Variants in ACOXL observed in about 807,000 individuals in gnomAD.
ACOXL encodes the protein acyl-coenzyme A oxidase-like protein.
In ACOXL, 70 loss-of-function variants were observed where a neutral mutation model predicts 71.9. The observed-to-expected ratio is 0.97, with a 90% CI of 0.80 to 1.19. The LOEUF is 1.19. Among genes scored for constraint, ACOXL ranks in the 50% most tolerant of loss-of-function variants. The pLI, the probability that ACOXL is intolerant of heterozygous loss-of-function variation, is 0.00. For synonymous variants in ACOXL, 253 were observed against 281.6 expected, an observed-to-expected ratio of 0.90 and a Z score of 1.02; for missense variants, 703 against 736.3, an observed-to-expected ratio of 0.95 and a Z score of 0.52.
Position 111,002,477 on chromosome 2 carries a change from A to C in ACOXL, c.1281+6473A>C, listed in dbSNP as rs144803212. ...GTTATCTTTCTATGTCAATAAAAAC[A>C]TGATTGCATGAGGTTCTGATGCTTC... On this transcript the variant is annotated intron_variant, in intron 14 of 17. Coordinates refer to ENST00000439055, the MANE Select transcript of ACOXL (RefSeq NM_001142807.4). Among the ~76,000 whole-genome samples, 293 of 152,374 alleles carry C rather than the reference A, an allele frequency of 1.9e-3. 1 individual carries two copies. The highest frequency in any genetic ancestry group is 7.0e-3 in the African/African-American group (290 of 41,600).
At position 110,751,624 on chromosome 2, in the gene ACOXL, T is replaced by A. The variant is rs79052249; in HGVS notation, c.-22-16744T>A. Among the ~76,000 whole-genome samples the A allele has an allele frequency of 1.1e-3, 174 of 152,344 alleles. 3 individuals are homozygous for A. In the East Asian group the frequency reaches 0.028, roughly 25 times the overall value. On this transcript the variant is annotated intron_variant, in intron 1 of 17. Coordinates refer to ENST00000439055, the MANE Select transcript of ACOXL (RefSeq NM_001142807.4). ...AAATGCAAAAATCTTAAGTGTACAT[T>A]CTCAGGGCTTTGCCAAATATATACA...
At chr2:111,024,214 T>A (rs775259414) in intron 14 of ACOXL, among the ~76,000 whole-genome samples, 15 of 152,098 alleles carry the variant, frequency 9.9e-5, no homozygotes, top group African/African-American at 1.7e-4. Flanking sequence ...AGGTTGTAGA[T>A]TGAATTCTGT....
chr2:111,021,868 G>GA (rs1384456479), intron 14 of ACOXL, among the ~76,000 whole-genome samples: 1 of 149,692 alleles, frequency 6.7e-6, no homozygotes, highest in Non-Finnish European at 1.5e-5. Flanking sequence ...ATGTAAAAAA[G>GA]AAAAAAAAGA....
At chr2:110,771,124 C>T (rs1387055056) in intron 2 of ACOXL, among the ~76,000 whole-genome samples, 1 of 152,116 alleles carries the variant, frequency 6.6e-6, no homozygotes, top group African/African-American at 2.4e-5. Context: ...TGTTTGGCAC[C>T]TCTCTCTGTA....
At chr2:110,742,590 C>G (rs1407184699) in intron 1 of ACOXL, among the ~76,000 whole-genome samples, 1 of 152,166 alleles carries the variant, frequency 6.6e-6, no homozygotes, top group South Asian at 2.1e-4. Context: ...GCAACCACTT[C>G]TACAACATGG....
At chr2:110,902,989 A>G (rs79191317) in intron 10 of ACOXL, among the ~76,000 whole-genome samples, 106 of 152,332 alleles carry the variant, frequency 7.0e-4, no homozygotes, top group East Asian at 5.4e-3. Context: ...TTATCTACAG[A>G]GGTCAGCACC....
intron 11 of ACOXL, among the ~76,000 whole-genome samples, chr2:110,924,105 CTAT>C (rs1019288544): frequency 9.9e-5 from 15 of 152,262 alleles, no homozygotes; most frequent in African/African-American, 3.6e-4. Context: ...GTACTACAGC[CTAT>C]TAAGTGTGCA....
intron 11 of ACOXL, among the ~76,000 whole-genome samples, chr2:110,924,924 A>C (rs1384358575): frequency 1.3e-5 from 2 of 152,140 alleles, no homozygotes; most frequent in African/African-American, 4.8e-5. Context: ...TGAAAGTCAA[A>C]ATTACTGCTT....
intron 12 of ACOXL, among the ~76,000 whole-genome samples, chr2:110,959,692 C>G (rs931794592): frequency 2.0e-5 from 3 of 152,132 alleles, no homozygotes; most frequent in South Asian, 2.1e-4. Flanking sequence ...CCCGCCACCC[C>G]CTGAGAATGA....
chr2:110,858,383 G>A (rs932413235), intron 10 of ACOXL, among the ~76,000 whole-genome samples: 2 of 152,174 alleles, frequency 1.3e-5, no homozygotes, highest in South Asian at 2.1e-4. Context: ...TGGAAGTTCC[G>A]CATCTCGTTT....
intron 11 of ACOXL, among the ~76,000 whole-genome samples, chr2:110,912,164 T>C (rs1277678098): frequency 6.6e-6 from 1 of 152,118 alleles, no homozygotes; most frequent in Non-Finnish European, 1.5e-5. Flanking sequence ...GATCAGAAGA[T>C]GTAATGTTGT....
At chr2:110,820,297 C>T (rs78149882) in intron 9 of ACOXL, among the ~76,000 whole-genome samples, 13 of 152,116 alleles carry the variant, frequency 8.5e-5, no homozygotes, top group South Asian at 6.2e-4. Context: ...AGGGAGAGAC[C>T]GATGCTGCTA....
Position 110,917,285 on chromosome 2 carries a change from C to T in ACOXL, c.905+8380C>T, listed in dbSNP as rs756916570. Among the ~76,000 whole-genome samples, 16 of 152,198 alleles carry T rather than the reference C, an allele frequency of 1.1e-4. No homozygotes were observed. In the East Asian group the frequency reaches 2.5e-3, roughly 24 times the overall value. On this transcript the variant is annotated intron_variant, in intron 11 of 17. Coordinates refer to ENST00000439055, the MANE Select transcript of ACOXL (RefSeq NM_001142807.4). ...AATAAACATAATCCATCACATAAAC[C>T]GAACCAATGACAAAAACCACATGAT...
At chr2:111,112,553 A>G (rs907938878) in intron 17 of ACOXL, among the ~76,000 whole-genome samples, 3 of 152,250 alleles carry the variant, frequency 2.0e-5, no homozygotes, top group African/African-American at 7.2e-5. Context: ...AAGGGAAAGC[A>G]ATTCTTCAGG....
At chr2:110,995,134 A>C (rs1274251104) in intron 13 of ACOXL, among the ~76,000 whole-genome samples, 1 of 152,138 alleles carries the variant, frequency 6.6e-6, no homozygotes, top group African/African-American at 2.4e-5. Context: ...AATGCCCAGC[A>C]GTGGTTATTA....
intron 16 of ACOXL, among the ~76,000 whole-genome samples, chr2:111,063,765 T>C (rs2066925681): frequency 6.6e-6 from 1 of 152,192 alleles, no homozygotes; most frequent in East Asian, 1.9e-4. Flanking sequence ...TACTAGGAGT[T>C]CTAGCCAGTG....
chr2:110,743,716 G>T (rs997563423), intron 1 of ACOXL, among the ~76,000 whole-genome samples: 7 of 152,108 alleles, frequency 4.6e-5, no homozygotes, highest in African/African-American at 9.7e-5. Flanking sequence ...CTGTGTCTCC[G>T]CCCAAGGCTT....
intron 13 of ACOXL, among the ~76,000 whole-genome samples, chr2:110,995,623 A>G (rs1320760430): frequency 6.6e-6 from 1 of 152,070 alleles, no homozygotes; most frequent in Non-Finnish European, 1.5e-5. Context: ...AATATTGAAC[A>G]CTACTTATAA....
At chr2:110,856,647 A>G (rs1316919900) in intron 10 of ACOXL, among the ~76,000 whole-genome samples, 2 of 152,254 alleles carry the variant, frequency 1.3e-5, no homozygotes, top group Non-Finnish European at 2.9e-5. Context: ...TCAAATTGTA[A>G]AAGGTACAGC....
Sources: allele counts gnomAD v4.1 joint callset (sites outside exome capture counted in the v4.1 genomes callset), GRCh38; gene constraint gnomAD v4.1.1; transcripts MANE v1.5; gene names NCBI Gene and HGNC (gene_info 2026-07-23, HGNC 2026-07-21).